NVL: variants seen among roughly 807,000 people sequenced by gnomAD.
The protein encoded by NVL is nuclear valosin-containing protein-like.
Under a neutral mutation model 110.2 loss-of-function variants are expected in NVL, and 84 were observed. The observed-to-expected ratio is 0.76, with a 90% confidence interval of 0.64 to 0.91. The LOEUF (loss-of-function observed/expected upper bound fraction) is 0.91, where lower values mean the gene tolerates loss of function less well. NVL is among the 40% of genes least tolerant of loss of function. The pLI, the probability that NVL is intolerant of heterozygous loss-of-function variation, is 0.00. For missense variants in NVL, 882 were observed against 1,035.9 expected (o/e 0.85, Z 2.04); for synonymous variants, 354 against 361.1 (o/e 0.98, Z 0.22).
chr1:224,232,956 C>T (rs963052447), intron 21 of NVL: 9 of 356,728 alleles, frequency 2.5e-5, no homozygotes, highest in African/African-American at 4.2e-5. Flanking sequence ...ATGAAGACAG[C>T]GAATGGATCC....
Position 224,284,382 on chromosome 1 carries a change from GT to G in NVL, c.1899+1643del, listed in dbSNP as rs900404173. On this transcript the variant is annotated intron_variant, in intron 15 of 22. Transcript: ENST00000281701. The stretch of plus-strand genomic sequence containing the variant: ...AAACATACTTAAATAAAAAAAACTA[GT>G]TTTTTTTTTTGAGACAGAGTCTTAC... Among the ~76,000 whole-genome samples the G allele has an allele frequency of 1.8e-4, 27 of 147,418 alleles. No homozygotes were observed. The East Asian group carries it at 2.8e-3, about 15-fold the overall frequency.
intron 19 of NVL, among the ~76,000 whole-genome samples, chr1:224,243,900 T>A (rs1661500481): frequency 6.6e-6 from 1 of 151,850 alleles, no homozygotes; most frequent in Non-Finnish European, 1.5e-5. Flanking sequence ...GACCTTGTGA[T>A]TCGCCTGTCT....
intron 22 of NVL, among the ~76,000 whole-genome samples, chr1:224,230,581 G>A (rs1280908715): frequency 6.6e-6 from 1 of 151,930 alleles, no homozygotes; most frequent in African/African-American, 2.4e-5. Context: ...TCCAGACTGG[G>A]TGACAGAGCG....
intron 17 of NVL, among the ~76,000 whole-genome samples, 200 bp downstream of exon 17, chr1:224,275,139 T>C (rs904286208): frequency 2.6e-5 from 4 of 152,144 alleles, no homozygotes; most frequent in South Asian, 2.1e-4. Context: ...ACCAAAATAA[T>C]GTACAGGAAA....
chr1:224,309,802 G>T (rs1390508949), intron 5 of NVL, among the ~76,000 whole-genome samples: 1 of 152,138 alleles, frequency 6.6e-6, no homozygotes, highest in Non-Finnish European at 1.5e-5. Flanking sequence ...GCCAAGGTGG[G>T]TGGATCACTC....
intron 21 of NVL, chr1:224,232,149 C>A (rs1287066831): frequency 6.6e-6 from 1 of 151,742 alleles, no homozygotes; most frequent in Admixed American, 6.6e-5. Context: ...GAGATCGAGA[C>A]CATCCTGGCT....
At chr1:224,280,796 T>G (rs996814555) in intron 16 of NVL, among the ~76,000 whole-genome samples, 7 of 152,188 alleles carry the variant, frequency 4.6e-5, no homozygotes, top group African/African-American at 1.7e-4. Context: ...AGAAGTATTT[T>G]TATTTATTAA....
At chr1:224,315,689 T>A (rs936958510) in intron 4 of NVL, among the ~76,000 whole-genome samples, 5 of 152,194 alleles carry the variant, frequency 3.3e-5, no homozygotes, top group African/African-American at 1.2e-4. Context: ...TAAATATGCA[T>A]CTATCACACG....
At chr1:224,254,877 GTTTT>G (rs34538115) in intron 18 of NVL, among the ~76,000 whole-genome samples, 3 of 94,918 alleles carry the variant, frequency 3.2e-5, no homozygotes, top group Non-Finnish European at 4.6e-5. Context: ...AAATGGTGTA[GTTTT>G]TTTTTTTTTT....
chr1:224,282,901 A>G (rs987529417), intron 15 of NVL, among the ~76,000 whole-genome samples: 1 of 152,156 alleles, frequency 6.6e-6, no homozygotes, highest in Non-Finnish European at 1.5e-5. Context: ...TCAGCCAAAT[A>G]CCTAATTTTA....
chr1:224,267,509 G>A (rs750865181), intron 18 of NVL, among the ~76,000 whole-genome samples: 2 of 151,902 alleles, frequency 1.3e-5, no homozygotes, highest in Non-Finnish European at 2.9e-5. Flanking sequence ...CCAACATGGC[G>A]AAACCCCATC....
chr1:224,303,318 C>A (rs140572153), intron 9 of NVL, among the ~76,000 whole-genome samples: 1 of 151,812 alleles, frequency 6.6e-6, no homozygotes, highest in East Asian at 1.9e-4. Context: ...GCCTGTAGTC[C>A]CAGCTACTGG....
chr1:224,256,789 C>T (rs958196572), intron 18 of NVL, among the ~76,000 whole-genome samples: 2 of 152,096 alleles, frequency 1.3e-5, no homozygotes, highest in African/African-American at 2.4e-5. Context: ...TTGTCTTTCC[C>T]GTCTTAGTTA....
At chr1:224,293,823 T>G (rs1407626901) in intron 12 of NVL, among the ~76,000 whole-genome samples, 4 of 152,180 alleles carry the variant, frequency 2.6e-5, no homozygotes, top group Admixed American at 1.3e-4. Context: ...TTCTTCCTCT[T>G]TTTTTACAGA....
intron 4 of NVL, 80 bp from the exon 5 acceptor site, chr1:224,311,937 ATATT>A: frequency 1.9e-6 from 2 of 1,056,094 alleles, no homozygotes. Context: ...ACAAGTAAAT[ATATT>A]CAGCCAAAAG....
rs940200696 is a variant in NVL at position 224,260,699 on chromosome 1, CTTTTTTTTT to C, written c.2182+7326_2182+7334del. ...ATTTGCTTATTTATTTCTTCTTTTC[CTTTTTTTTT>C]TTTTTTTTTTTGAGACAGGGTCTTG... On this transcript the variant is annotated intron_variant, in intron 18 of 22. Transcript: ENST00000281701. Among the ~76,000 whole-genome samples the C allele has an allele frequency of 3.2e-3, 403 of 126,336 alleles. 2 individuals carry two copies. Among genetic ancestry groups the C allele is most frequent in the African/African-American group, 0.012 (383 of 31,116 alleles). 82.9% of individuals were successfully genotyped at this position (126,336 alleles called of 152,430 possible).
rs190675467 is a variant in NVL at position 224,239,966 on chromosome 1, C to T, written c.2290-3384G>A. 1.9e-4 allele frequency among the ~76,000 whole-genome samples: 29 copies of T among 152,124 alleles called. No homozygotes were observed. The East Asian group carries it at 2.7e-3, about 14-fold the overall frequency. ...AGGCTGGAGTGCAGTGACGCAATCT[C>T]GGCTCACTGCAACTTACGCCTCCCA... On this transcript the variant is annotated intron_variant, in intron 19 of 22. Transcript: ENST00000281701.
intron 16 of NVL, among the ~76,000 whole-genome samples, chr1:224,278,581 C>G (rs779167700): frequency 6.6e-6 from 1 of 152,102 alleles, no homozygotes. Flanking sequence ...TAGACCTCTT[C>G]CCCCTACCCA....
Position 224,250,306 on chromosome 1 carries a change from G to A in NVL, c.2195C>T (p.Pro732Leu). Residue 732 changes from proline to leucine, a missense_variant, in exon 19 of 23, where the codon CCT (proline) becomes CTT (leucine). Transcript: ENST00000281701. ...AATNRPDIIDPAILRPGRLDK... is the reference protein window; with the variant it reads ...AATNRPDIIDLAILRPGRLDK... ...CAGGCGGCCCGGGCGCAGGATTGCAGGGTCAATTATATCTAGAGAAGAAGG... is the reference window on the plus strand; with the variant it reads ...CAGGCGGCCCGGGCGCAGGATTGCAAGGTCAATTATATCTAGAGAAGAAGG... 6.3e-7 allele frequency: 1 copy of A among 1,585,914 alleles called. No homozygotes were observed. The highest frequency in any genetic ancestry group is 1.2e-5 in the South Asian group (1 of 86,322).
Sources: gnomAD v4.1 joint callset for allele counts (sites outside exome capture counted in the v4.1 genomes callset) on GRCh38, gnomAD v4.1.1 for gene constraint, MANE v1.5 for transcripts, NCBI Gene and HGNC (gene_info 2026-07-23, HGNC 2026-07-21) for gene names.